The following UGT8 variants were observed in gnomAD, a reference collection of about 807,000 sequenced individuals.
The protein encoded by UGT8 is UDP glycosyltransferase 8, also known as 2-hydroxyacylsphingosine 1-beta-galactosyltransferase.
A neutral mutation model predicts 40.5 loss-of-function variants in UGT8; 12 were observed. That is an observed-to-expected ratio of 0.30 (90% CI 0.19 to 0.48). The LOEUF is 0.48. UGT8 is among the 20% of genes least tolerant of loss of function. The probability of loss-of-function intolerance (pLI) is 0.99; values close to 1 mark genes in which losing one functional copy is unlikely to be tolerated. For synonymous variants in UGT8, 224 were observed against 240.4 expected (o/e 0.93, Z 0.63); for missense variants, 513 against 648.7 (o/e 0.79, Z 2.27).
chr4:114,641,226 T>A (rs1733203967), intron 2 of UGT8, among the ~76,000 whole-genome samples: 1 of 152,236 alleles, frequency 6.6e-6, no homozygotes, highest in Admixed American at 6.5e-5. Flanking sequence ...TTGGTGGCAT[T>A]ACTATCTTCA....
chr4:114,620,104 AAG>A (rs1388553781), intron 1 of UGT8, among the ~76,000 whole-genome samples: 1 of 152,132 alleles, frequency 6.6e-6, no homozygotes, highest in Non-Finnish European at 1.5e-5. Flanking sequence ...TAAAATTAAA[AAG>A]GAAGAATTAA....
chr4:114,660,666 G>A (rs1444032896), intron 2 of UGT8, among the ~76,000 whole-genome samples: 1 of 152,060 alleles, frequency 6.6e-6, no homozygotes, highest in East Asian at 1.9e-4. Context: ...GCCAAGACGG[G>A]CAGATCACGA....
chr4:114,601,051 A>G (rs1004515694), intron 1 of UGT8, among the ~76,000 whole-genome samples: 1 of 152,188 alleles, frequency 6.6e-6, no homozygotes, highest in South Asian at 2.1e-4. Flanking sequence ...CAGAAACTAT[A>G]CTTCTGACTT....
chr4:114,612,438 A>G lies in UGT8; in HGVS notation c.-2-10441A>G, dbSNP rs992540490. On this transcript the variant is annotated intron_variant, in intron 1 of 5. Coordinates refer to ENST00000310836, the MANE Select transcript of UGT8 (RefSeq NM_001128174.3). The stretch of plus-strand genomic sequence containing the variant: ...GTTTTCAGGCATCTCTATTTTTCCA[A>G]AGCTTCCCAGGTGATTATTATGTGC... Among the ~76,000 whole-genome samples, 7 of 152,018 alleles carry G rather than the reference A, an allele frequency of 4.6e-5. No homozygotes were observed. In the East Asian group the frequency reaches 7.7e-4, roughly 17 times the overall value.
intron 1 of UGT8, among the ~76,000 whole-genome samples, chr4:114,608,399 G>A (rs1426520724): frequency 1.3e-5 from 2 of 152,130 alleles, no homozygotes; most frequent in Non-Finnish European, 2.9e-5. Context: ...ATTCAAACAT[G>A]ATTGAATGGT....
chr4:114,662,245 C>G (rs1273530521), intron 2 of UGT8, among the ~76,000 whole-genome samples: 1 of 152,176 alleles, frequency 6.6e-6, no homozygotes, highest in African/African-American at 2.4e-5. Context: ...ACTCAGAACA[C>G]TTCCATTAGC....
At chr4:114,604,851 A>G (rs1223633668) in intron 1 of UGT8, among the ~76,000 whole-genome samples, 1 of 152,164 alleles carries the variant, frequency 6.6e-6, no homozygotes, top group Non-Finnish European at 1.5e-5. Context: ...TCTTTACCTG[A>G]AAATCGCTAG....
rs563287033 is a variant in UGT8, at chr4:114,620,983, A to G, written c.-2-1896A>G. On this transcript the variant is annotated intron_variant, in intron 1 of 5. Coordinates refer to ENST00000310836, the MANE Select transcript of UGT8 (RefSeq NM_001128174.3). ...GATTTTTGAAATGTGTCCAGTTTGC[A>G]TGAGCAATTGTTTAGATCTTTTTTC... Among the ~76,000 whole-genome samples the G allele has an allele frequency of 2.2e-4, 34 of 152,286 alleles. 1 individual carries two copies. Among genetic ancestry groups the G allele is most frequent in the South Asian group, 6.2e-4 (3 of 4,830 alleles).
rs892249399 is a variant in UGT8, at chr4:114,598,893, A to C, written c.-84A>C. The C allele has an allele frequency of 6.6e-6, 1 of 152,456 alleles. No homozygotes were observed. Among genetic ancestry groups the C allele is most frequent in the African/African-American group, 2.4e-5 (1 of 41,412 alleles). 9.4% of individuals were successfully genotyped at this position (152,456 alleles called of 1,614,324 possible). A position where few individuals can be genotyped will look rare whatever the true frequency, so the allele number is the denominator to read the frequency against. The stretch of plus-strand genomic sequence containing the variant: ...AAGGCGGCGACACCTGATTCAGCGC[A>C]CAAACACAGGTCCCTTCTGTCCCGG... On this transcript the variant is annotated 5_prime_UTR_variant, in exon 1 of 6. Transcript: ENST00000310836.
chr4:114,667,018 T>A (rs1416892290), intron 4 of UGT8, among the ~76,000 whole-genome samples: 1 of 152,090 alleles, frequency 6.6e-6, no homozygotes, highest in African/African-American at 2.4e-5. Context: ...AACTGTTGGG[T>A]TTGGTGGTAG....
At chr4:114,666,436 A>T (rs1279630501) in intron 4 of UGT8, among the ~76,000 whole-genome samples, 2 of 152,110 alleles carry the variant, frequency 1.3e-5, no homozygotes, top group East Asian at 3.8e-4. Flanking sequence ...AAAGAATTTT[A>T]TTTATGTATA....
At chr4:114,671,102 G>A (rs532464920) in intron 5 of UGT8, among the ~76,000 whole-genome samples, 47 of 152,136 alleles carry the variant, frequency 3.1e-4, no homozygotes, top group South Asian at 1.2e-3. Context: ...TACAGCTATC[G>A]GGATGTGAAG....
chr4:114,646,275 A>G (rs1291823304), intron 2 of UGT8, among the ~76,000 whole-genome samples: 1 of 152,090 alleles, frequency 6.6e-6, no homozygotes, highest in East Asian at 1.9e-4. Context: ...AAAGAGCAAC[A>G]TAAACTATTT....
chr4:114,604,298 A>C (rs1265602023), intron 1 of UGT8, among the ~76,000 whole-genome samples: 1 of 152,214 alleles, frequency 6.6e-6, no homozygotes, highest in South Asian at 2.1e-4. Flanking sequence ...ATAAACTCAG[A>C]AAACAATACA....
chr4:114,669,381 CATATATATATATAT>C lies in UGT8; in HGVS notation c.1262+1090_1262+1103del, dbSNP rs5861189. ...TCAAAACATGATGTTATTTCATATA[CATATATATATATAT>C]ATATATATATATGCACACATACATA... On this transcript the variant is annotated intron_variant, in intron 5 of 5. Transcript: ENST00000310836. 1.9e-3 allele frequency among the ~76,000 whole-genome samples: 289 copies of C among 150,410 alleles called. 3 individuals are homozygous for C. Among genetic ancestry groups the C allele is most frequent in the Middle Eastern group, 0.01 (3 of 294 alleles).
rs1734825275 is a variant in UGT8 at position 114,665,765 on chromosome 4, A to G, written c.1042+9A>G. On this transcript the variant is annotated intron_variant, in intron 4 of 5. Transcript: ENST00000310836. ...ACAAAATGACCTGCTTGGTAAGTCA[A>G]TGATGTGTGGTTACTTACTTGGCTG... The G allele has an allele frequency of 3.1e-6, 5 of 1,600,178 alleles. No individual in the cohort carries two copies. Among genetic ancestry groups the G allele is most frequent in the Non-Finnish European group, 3.4e-6 (4 of 1,174,586 alleles).
chr4:114,675,857 G>A lies in UGT8; in HGVS notation c.1263-68G>A. The A allele has an allele frequency of 3.5e-6, 5 of 1,419,284 alleles. No homozygotes were observed. The African/African-American group carries it at 4.4e-5, about 13-fold the overall frequency. The allele number at this position is 1,419,284 out of a possible 1,614,324, so 87.9% of individuals were successfully genotyped here. A position where few individuals can be genotyped will look rare whatever the true frequency, so the allele number is the denominator to read the frequency against. On this transcript the variant is annotated intron_variant, in intron 5 of 5. Coordinates refer to ENST00000310836, the MANE Select transcript of UGT8 (RefSeq NM_001128174.3). Reference sequence around the variant, plus strand: ...TTTTAATTATTTCCCCTTTTTAAATGAAGATATGCATAAATATAGAACTTT... The same window carrying A: ...TTTTAATTATTTCCCCTTTTTAAATAAAGATATGCATAAATATAGAACTTT...
At chr4:114,609,494 G>T (rs188083164) in intron 1 of UGT8, among the ~76,000 whole-genome samples, 1 of 152,156 alleles carries the variant, frequency 6.6e-6, no homozygotes, top group Admixed American at 6.5e-5. Flanking sequence ...CAGAAACAAG[G>T]TCCTCTGGCT....
Position 114,672,386 on chromosome 4 carries a change from A to C in UGT8, c.1263-3539A>C, listed in dbSNP as rs76059222. Among the ~76,000 whole-genome samples, 1,102 of 152,322 alleles carry C rather than the reference A, an allele frequency of 7.2e-3. 16 individuals carry two copies. The highest frequency in any genetic ancestry group is 0.025 in the African/African-American group (1,021 of 41,584). On this transcript the variant is annotated intron_variant, in intron 5 of 5. Transcript: ENST00000310836. ...CAAGCACACGTATGTTTATTGCAAT[A>C]CAATTATAATAGCAAACACATAGAA...
Sources: allele counts gnomAD v4.1 joint callset (sites outside exome capture counted in the v4.1 genomes callset), GRCh38; gene constraint gnomAD v4.1.1; transcripts MANE v1.5; gene names NCBI Gene and HGNC (gene_info 2026-07-23, HGNC 2026-07-21).